Variants in ESYT3 observed in about 807,000 individuals in gnomAD.
ESYT3 encodes the protein extended synaptotagmin 3, also known as extended synaptotagmin-3.
ESYT3 carries 101 observed loss-of-function variants against 111.5 expected under a neutral mutation model. The observed-to-expected ratio is 0.91, with a 90% CI of 0.77 to 1.07. ESYT3 has a LOEUF of 1.07. Ranked by LOEUF, ESYT3 falls within the 50% of genes least tolerant of loss-of-function variation. The pLI is 0.00. For missense variants in ESYT3, 1,097 were observed against 1,109.4 expected (o/e 0.99, Z 0.16); for synonymous variants, 416 against 446.8 (o/e 0.93, Z 0.87).
chr3:138,447,293 A>G (rs1216643707), intron 1 of ESYT3, among the ~76,000 whole-genome samples: 1 of 152,256 alleles, frequency 6.6e-6, no homozygotes, highest in East Asian at 1.9e-4. Flanking sequence ...AATTATCAAC[A>G]TATTCCAGTG....
chr3:138,444,442 T>C (rs1248271435), intron 1 of ESYT3, among the ~76,000 whole-genome samples: 2 of 152,206 alleles, frequency 1.3e-5, no homozygotes, highest in African/African-American at 4.8e-5. Context: ...GTGAGGATAG[T>C]GTACATGTTT....
Position 138,478,649 on chromosome 3 carries a change from C to G in ESYT3, c.*1795C>G, listed in dbSNP as rs1006265174. 4 of 152,120 alleles carry G rather than the reference C, an allele frequency of 2.6e-5. No individual in the cohort carries two copies. Among genetic ancestry groups the G allele is most frequent in the Non-Finnish European group, 5.9e-5 (4 of 68,018 alleles). The allele number at this position is 152,120 out of a possible 1,614,324, so 9.4% of individuals were successfully genotyped here. On this transcript the variant is annotated 3_prime_UTR_variant, in exon 23 of 23. Coordinates refer to ENST00000389567, the MANE Select transcript of ESYT3 (RefSeq NM_031913.5). ...TTGAACCGTTTTTACCTGTGTCAGG[C>G]AACACAGGTAAATACCTGGTGATGG...
chr3:138,455,153 G>T (rs1242989598), intron 2 of ESYT3, 41 bp from the exon 3 acceptor site: 1 of 1,611,556 alleles, frequency 6.2e-7, no homozygotes, highest in African/African-American at 1.3e-5. Flanking sequence ...TGCAGTGGGG[G>T]TACAGACCTG....
At chr3:138,464,569 G>C in intron 9 of ESYT3, 54 bp downstream of exon 9, 9 of 1,590,058 alleles carry the variant, frequency 5.7e-6, no homozygotes, top group Non-Finnish European at 7.8e-6. Context: ...GCTGGGCAGA[G>C]GCAATCCAGG....
At chr3:138,470,460 AAT>A (rs1288669377) in intron 16 of ESYT3, 29 of 1,105,348 alleles carry the variant, frequency 2.6e-5, no homozygotes, top group South Asian at 1.3e-4. Flanking sequence ...TACTTTAAAA[AAT>A]ATATGTTTCA....
At chr3:138,465,706 G>A (rs534370180) in intron 10 of ESYT3, among the ~76,000 whole-genome samples, 19 of 152,302 alleles carry the variant, frequency 1.2e-4, no homozygotes, top group Non-Finnish European at 2.5e-4. Context: ...AATATACCAA[G>A]TCCCCATTTG....
chr3:138,451,640 C>G (rs1408559169), intron 1 of ESYT3, among the ~76,000 whole-genome samples: 1 of 152,162 alleles, frequency 6.6e-6, no homozygotes, highest in African/African-American at 2.4e-5. Context: ...TCCCTTTCCT[C>G]CTCGCCTTCC....
chr3:138,457,557 A>G lies in ESYT3; in HGVS notation c.505-11A>G. ...AAGCCTCTGACCTAGCCCTTTTGGC[A>G]TTTCTTCCAGTGTCCCAGGGTCAAC... On this transcript the variant is annotated splice_polypyrimidine_tract_variant and intron_variant, in intron 3 of 22. Coordinates refer to ENST00000389567, the MANE Select transcript of ESYT3 (RefSeq NM_031913.5). 1 of 1,614,006 alleles carries G rather than the reference A, an allele frequency of 6.2e-7. No homozygotes were observed. The highest frequency in any genetic ancestry group is 1.3e-5 in the African/African-American group (1 of 75,038).
At chr3:138,451,680 G>T (rs997710420) in intron 1 of ESYT3, among the ~76,000 whole-genome samples, 3 of 152,288 alleles carry the variant, frequency 2.0e-5, no homozygotes, top group Non-Finnish European at 4.4e-5. Flanking sequence ...CCTCCGCGTG[G>T]GACTGGGGTG....
chr3:138,446,604 A>G (rs547193806), intron 1 of ESYT3, among the ~76,000 whole-genome samples: 2 of 152,314 alleles, frequency 1.3e-5, no homozygotes, highest in East Asian at 3.9e-4. Flanking sequence ...GGCAATAATG[A>G]TATACCTGGG....
intron 1 of ESYT3, among the ~76,000 whole-genome samples, chr3:138,449,351 G>A (rs763647468): frequency 6.6e-6 from 1 of 152,032 alleles, no homozygotes; most frequent in Non-Finnish European, 1.5e-5. Context: ...CTCCCAAAGC[G>A]CTGGGATTAT....
rs1344724321 is a variant in ESYT3 at position 138,440,688 on chromosome 3, C to T, written c.327+5563C>T. On this transcript the variant is annotated intron_variant, in intron 1 of 22. Transcript: ENST00000389567. This position sits in a 1 kb window ranked among gnomAD's most constrained non-coding sequence, Gnocchi z 4.2. Reference sequence around the variant, plus strand: ...GAGGCAGATAAATTTTTAGTCATGCCTTTGGGGTTTCTGCCCCATGTCTTA... The same window carrying T: ...GAGGCAGATAAATTTTTAGTCATGCTTTTGGGGTTTCTGCCCCATGTCTTA... Among the ~76,000 whole-genome samples, 2 of 152,126 alleles carry T rather than the reference C, an allele frequency of 1.3e-5. No individual in the cohort carries two copies. The highest frequency in any genetic ancestry group is 2.1e-4 in the South Asian group (1 of 4,832).
rs370293984 is a variant in ESYT3 at position 138,464,640 on chromosome 3, GTATC to G, written c.1086+128_1086+131del. ...GCAGGTCTGTGGAATTCCTGCTCCTGTATCTACCAGGCTTCCAGACTGGGTTACT... is the reference window on the plus strand; with the variant it reads ...GCAGGTCTGTGGAATTCCTGCTCCTGTACCAGGCTTCCAGACTGGGTTACT... On this transcript the variant is annotated intron_variant, in intron 9 of 22. Transcript: ENST00000389567. 29 of 1,040,072 alleles carry G rather than the reference GTATC, an allele frequency of 2.8e-5. No homozygotes were observed. The African/African-American group carries it at 4.5e-4, about 16-fold the overall frequency. The allele number at this position is 1,040,072 out of a possible 1,614,324, so 64.4% of individuals were successfully genotyped here. A position where few individuals can be genotyped will look rare whatever the true frequency, so the allele number is the denominator to read the frequency against.
At chr3:138,473,431 A>G (rs779818925) in intron 18 of ESYT3, 105 bp from the exon 19 acceptor site, 28 of 940,384 alleles carry the variant, frequency 3.0e-5, no homozygotes, top group Middle Eastern at 4.6e-4. Flanking sequence ...ATTATCCTAC[A>G]TGGCTCTATA....
chr3:138,449,082 C>CTTTTTTTTTTTTT lies in ESYT3; in HGVS notation c.328-2958_328-2946dup, dbSNP rs398040196. On this transcript the variant is annotated intron_variant, in intron 1 of 22. Coordinates refer to ENST00000389567, the MANE Select transcript of ESYT3 (RefSeq NM_031913.5). ...CTGTTGCTGCCTACACTTTCTTTTT[C>CTTTTTTTTTTTTT]TTTTTTTTTTTTTTTTTTTTGAGAT... Among the ~76,000 whole-genome samples the CTTTTTTTTTTTTT allele has an allele frequency of 7.1e-5, 8 of 113,118 alleles. No individual in the cohort carries two copies. In the East Asian group the frequency reaches 8.1e-4, roughly 11 times the overall value. 74.2% of individuals were successfully genotyped at this position (113,118 alleles called of 152,430 possible).
chr3:138,467,733 C>A, intron 11 of ESYT3, 124 bp downstream of exon 11: 1 of 888,710 alleles, frequency 1.1e-6, no homozygotes, highest in Non-Finnish European at 1.8e-6. Context: ...TAGGCTCCAT[C>A]CTCAGGGCAA....
rs11268903 is a variant in ESYT3, at chr3:138,443,736, C to CTGTGTGTGTGTGTGTGTGTGTG, written c.328-8292_328-8291insTGTGTGTGTGTGTGTGTGTGTG. Among the ~76,000 whole-genome samples, 199 of 147,982 alleles carry CTGTGTGTGTGTGTGTGTGTGTG rather than the reference C, an allele frequency of 1.3e-3. 1 individual carries two copies. The highest frequency in any genetic ancestry group is 4.9e-3 in the African/African-American group (194 of 39,972). On this transcript the variant is annotated intron_variant, in intron 1 of 22. Transcript: ENST00000389567. ...TGTCCACACATCTGTGTTTGTGCAT[C>CTGTGTGTGTGTGTGTGTGTGTG]TGTGTGTGTGTGTGTGTGTGACATG...
intron 2 of ESYT3, among the ~76,000 whole-genome samples, chr3:138,454,869 T>G (rs1205205157): frequency 2.0e-5 from 3 of 152,254 alleles, no homozygotes; most frequent in Non-Finnish European, 4.4e-5. Context: ...TAGAATGAGA[T>G]TATGTTTTAG....
intron 3 of ESYT3, 57 bp downstream of exon 3, chr3:138,455,385 C>G: frequency 6.3e-7 from 1 of 1,593,072 alleles, no homozygotes; most frequent in Non-Finnish European, 8.6e-7. Context: ...CTCTCTGTTC[C>G]CTCTCCTCCC....
Sources: gnomAD v4.1 joint callset for allele counts (sites outside exome capture counted in the v4.1 genomes callset) on GRCh38, gnomAD v4.1.1 for gene constraint, Gnocchi (gnomAD v3.1) non-coding constraint, MANE v1.5 for transcripts, NCBI Gene and HGNC (gene_info 2026-07-23, HGNC 2026-07-21) for gene names.